The following VIT variants were observed in gnomAD, a reference collection of about 807,000 sequenced individuals.
The protein encoded by VIT is vitrin.
A neutral mutation model predicts 78.0 loss-of-function variants in VIT; 99 were observed. The ratio of observed to expected loss-of-function variants is 1.27; its 90% confidence interval spans 1.08 to 1.50. VIT has a LOEUF of 1.50. Ranked by LOEUF, VIT falls within the 40% of genes most tolerant of loss-of-function variation. The probability of loss-of-function intolerance (pLI) is 0.00; values close to 1 mark genes in which losing one functional copy is unlikely to be tolerated. For missense variants in VIT, 1,126 were observed against 875.3 expected (o/e 1.29, Z -3.61); for synonymous variants, 374 against 334.3 (o/e 1.12, Z -1.29).
chr2:36,733,348 C>A (rs1056638104), intron 3 of VIT, among the ~76,000 whole-genome samples: 5 of 152,144 alleles, frequency 3.3e-5, no homozygotes, highest in South Asian at 2.1e-4. Flanking sequence ...CTCTCTCCCC[C>A]CCTCTCTCTC....
At chr2:36,805,306 A>G in intron 13 of VIT, 132 bp from the exon 14 acceptor site, 3 of 803,768 alleles carry the variant, frequency 3.7e-6, no homozygotes, top group Non-Finnish European at 5.2e-6. Flanking sequence ...CCTGTCTCAA[A>G]GGAAAAAAAA....
At chr2:36,736,688 A>C (rs1667528390) in intron 3 of VIT, among the ~76,000 whole-genome samples, 1 of 152,202 alleles carries the variant, frequency 6.6e-6, no homozygotes, top group African/African-American at 2.4e-5. Flanking sequence ...GATGAAACAA[A>C]AGTATGTAAA....
intron 3 of VIT, among the ~76,000 whole-genome samples, chr2:36,737,237 AGTG>A (rs1459485681): frequency 6.6e-6 from 1 of 152,180 alleles, no homozygotes; most frequent in Non-Finnish European, 1.5e-5. Flanking sequence ...ATGGAAAACA[AGTG>A]GAGGATGAGG....
At chr2:36,731,703 T>C (rs527517346) in intron 3 of VIT, among the ~76,000 whole-genome samples, 45 of 152,314 alleles carry the variant, frequency 3.0e-4, no homozygotes, top group African/African-American at 9.9e-4. Context: ...CACTCAAATA[T>C]TGTAAGCACA....
chr2:36,716,228 T>C lies in VIT; in HGVS notation c.-18-125T>C, dbSNP rs1666125620. The C allele has an allele frequency of 9.1e-6, 6 of 656,940 alleles. 1 individual carries two copies. Among genetic ancestry groups the C allele is most frequent in the Middle Eastern group, 7.9e-4 (2 of 2,536 alleles). 40.7% of individuals were successfully genotyped at this position (656,940 alleles called of 1,614,324 possible). ...TCTATGTGCTGCTTATGGAAATCTA[T>C]AGCCTGGAATCGTAAGACTCCAGAG... On this transcript the variant is annotated intron_variant, in intron 1 of 15. Coordinates refer to ENST00000379242, the MANE Select transcript of VIT (RefSeq NM_053276.4).
intron 1 of VIT, among the ~76,000 whole-genome samples, chr2:36,705,694 G>C (rs1368250391): frequency 6.6e-6 from 1 of 152,154 alleles, no homozygotes; most frequent in Non-Finnish European, 1.5e-5. Context: ...TGGAGAAGGG[G>C]ATACACATTC....
At chr2:36,756,643 A>C (rs1009210518) in intron 5 of VIT, among the ~76,000 whole-genome samples, 2 of 152,202 alleles carry the variant, frequency 1.3e-5, no homozygotes, top group African/African-American at 4.8e-5. Context: ...CCACAGTTCA[A>C]ATTAGACTGG....
chr2:36,808,040 A>G (rs1666856728), intron 14 of VIT, among the ~76,000 whole-genome samples: 1 of 152,196 alleles, frequency 6.6e-6, no homozygotes, highest in Non-Finnish European at 1.5e-5. Flanking sequence ...ACATTTCCAT[A>G]GCGATTTCTT....
chr2:36,703,130 C>T (rs1317505382), intron 1 of VIT, among the ~76,000 whole-genome samples: 1 of 152,216 alleles, frequency 6.6e-6, no homozygotes, highest in African/African-American at 2.4e-5. Context: ...TCAGCCACTT[C>T]AAATTGGGTT....
At chr2:36,711,698 C>A (rs906348856) in intron 1 of VIT, among the ~76,000 whole-genome samples, 3 of 152,208 alleles carry the variant, frequency 2.0e-5, no homozygotes, top group African/African-American at 7.2e-5. Context: ...AAATAGACAA[C>A]TCTAGAAATG....
At chr2:36,810,365 A>G (rs770603146) in intron 15 of VIT, among the ~76,000 whole-genome samples, 1 of 152,266 alleles carries the variant, frequency 6.6e-6, no homozygotes, top group Non-Finnish European at 1.5e-5. Flanking sequence ...TTAAAATATG[A>G]AAAATGAGCA....
intron 4 of VIT, among the ~76,000 whole-genome samples, chr2:36,751,085 C>T (rs1415326124): frequency 6.6e-6 from 1 of 152,014 alleles, no homozygotes; most frequent in Non-Finnish European, 1.5e-5. Context: ...CGTGGCAAAA[C>T]CCCGTCTCTA....
Position 36,808,686 on chromosome 2 carries a change from A to G in VIT, c.1604A>G (p.Asn535Ser), listed in dbSNP as rs774441653. ...CGCACCGTCCTCCAGTTTGTGACCA[A>G]CCTCACCAAAGAGTTTGAGATTTCC... ...NFRTVLQFVT[N>S]LTKEFEISDT... Residue 535 changes from asparagine (N) to serine (S), a missense_variant, in exon 15 of 16, where the codon AAC becomes AGC. Coordinates refer to ENST00000379242, the MANE Select transcript of VIT (RefSeq NM_053276.4). 2 of 1,613,996 alleles carry G rather than the reference A, an allele frequency of 1.2e-6. No homozygotes were observed. The highest frequency in any genetic ancestry group is 1.7e-6 in the Non-Finnish European group (2 of 1,180,024).
At chr2:36,802,627 G>T (rs1275389823) in intron 13 of VIT, among the ~76,000 whole-genome samples, 1 of 152,210 alleles carries the variant, frequency 6.6e-6, no homozygotes, top group African/African-American at 2.4e-5. Context: ...TGACAGAGTT[G>T]ATTTCTGGTT....
intron 1 of VIT, among the ~76,000 whole-genome samples, chr2:36,703,098 T>G (rs1242145114): frequency 6.6e-6 from 1 of 152,160 alleles, no homozygotes; most frequent in Non-Finnish European, 1.5e-5. Flanking sequence ...GAGGCAGACA[T>G]CAGCCCCAGA....
intron 15 of VIT, among the ~76,000 whole-genome samples, chr2:36,809,990 C>CAAAAAAAAAAAAAAAAAAAAAAAAAAA (rs36123287): frequency 9.9e-6 from 1 of 100,772 alleles, no homozygotes. Flanking sequence ...GATCCTGTCT[C>CAAAAAAAAAAAAAAAAAAAAAAAAAAA]AAAAAAAAAA....
At chr2:36,808,413 T>C (rs765092407) in intron 14 of VIT, 59 bp from the exon 15 acceptor site, 126 of 1,543,378 alleles carry the variant, frequency 8.2e-5, no homozygotes, top group Non-Finnish European at 1.1e-4. Flanking sequence ...TCAAGCCTAA[T>C]GGTGACACTG....
intron 15 of VIT, among the ~76,000 whole-genome samples, chr2:36,812,219 C>A (rs13417089): frequency 0.18 from 27,566 of 151,956 alleles, 2,659 homozygotes; most frequent in South Asian, 0.35. Context: ...GGACCACAAT[C>A]AAAAAGCAGC....
intron 6 of VIT, among the ~76,000 whole-genome samples, chr2:36,766,784 A>T (rs1256416155): frequency 2.0e-5 from 3 of 152,230 alleles, no homozygotes; most frequent in African/African-American, 7.2e-5. Flanking sequence ...TACATAAACC[A>T]TTGCTAGTGG....
Sources: gnomAD v4.1 joint callset for allele counts (sites outside exome capture counted in the v4.1 genomes callset) on GRCh38, gnomAD v4.1.1 for gene constraint, MANE v1.5 for transcripts, NCBI Gene and HGNC (gene_info 2026-07-23, HGNC 2026-07-21) for gene names.